The following ARHGAP12 variants were observed in gnomAD, a reference collection of about 807,000 sequenced individuals.
ARHGAP12 encodes Rho GTPase activating protein 12.
In ARHGAP12, 64 loss-of-function variants were observed where a neutral mutation model predicts 108.6. That is an observed-to-expected ratio of 0.59 (90% confidence interval 0.48 to 0.73). The LOEUF is 0.73. ARHGAP12 is among the 30% of genes least tolerant of loss of function. The probability of loss-of-function intolerance (pLI) is 0.00; values close to 1 mark genes in which losing one functional copy is unlikely to be tolerated. For synonymous variants in ARHGAP12, 312 were observed against 337.2 expected, an observed-to-expected ratio of 0.93 and a Z score of 0.82; for missense variants, 940 against 1,005.9, an observed-to-expected ratio of 0.93 and a Z score of 0.89.
chr10:31,855,346 C>G (rs1383350160), intron 4 of ARHGAP12, among the ~76,000 whole-genome samples: 1 of 152,144 alleles, frequency 6.6e-6, no homozygotes, highest in Non-Finnish European at 1.5e-5. Context: ...TAGGTTAGCA[C>G]TCATGTGCAA....
chr10:31,855,859 G>A (rs963010204), intron 4 of ARHGAP12, among the ~76,000 whole-genome samples: 2 of 152,136 alleles, frequency 1.3e-5, no homozygotes, highest in African/African-American at 4.8e-5. Flanking sequence ...ATATCTTCAT[G>A]TGTTTTATAT....
intron 2 of ARHGAP12, among the ~76,000 whole-genome samples, chr10:31,909,824 A>T (rs1839274914): frequency 6.6e-6 from 1 of 152,186 alleles, no homozygotes; most frequent in African/African-American, 2.4e-5. Context: ...TGAGCCCAGG[A>T]GGCTGAAGTT....
chr10:31,921,945 T>C (rs1361666621), intron 1 of ARHGAP12, among the ~76,000 whole-genome samples: 1 of 151,594 alleles, frequency 6.6e-6, no homozygotes, highest in Non-Finnish European at 1.5e-5. Context: ...ATCCCAGCAC[T>C]TTGGGAAGCC....
At chr10:31,904,556 A>G (rs1414658086) in intron 3 of ARHGAP12, among the ~76,000 whole-genome samples, 1 of 152,174 alleles carries the variant, frequency 6.6e-6, no homozygotes, top group East Asian at 1.9e-4. Flanking sequence ...CCTGATCGTG[A>G]TATTACAGTA....
chr10:31,921,652 TA>T lies in ARHGAP12; in HGVS notation c.-111+7030del, dbSNP rs199920493. 6.4e-3 allele frequency among the ~76,000 whole-genome samples: 955 copies of T among 149,166 alleles called. 29 individuals carry two copies. In the East Asian group the frequency reaches 0.075, roughly 12 times the overall value. On this transcript the variant is annotated intron_variant, in intron 1 of 19. Coordinates refer to ENST00000344936, the MANE Select transcript of ARHGAP12 (RefSeq NM_018287.7). Reference sequence around the variant, plus strand: ...GGTGGTGCATGCCTGTAATCCCAGCTACTGGGGAGGCTGAGGCAGGAGAATG... The same window carrying T: ...GGTGGTGCATGCCTGTAATCCCAGCTCTGGGGAGGCTGAGGCAGGAGAATG...
chr10:31,918,358 C>CAA (rs1298618828), intron 1 of ARHGAP12, among the ~76,000 whole-genome samples: 1 of 141,028 alleles, frequency 7.1e-6, no homozygotes, highest in Non-Finnish European at 1.6e-5. Context: ...CACACACACA[C>CAA]ACCAATGAGA....
At chr10:31,850,307 T>C (rs1340550040) in intron 6 of ARHGAP12, among the ~76,000 whole-genome samples, 1 of 152,256 alleles carries the variant, frequency 6.6e-6, no homozygotes, top group Non-Finnish European at 1.5e-5. Flanking sequence ...ATTTTTCTTC[T>C]GGTTCCTTCA....
At chr10:31,808,469 T>C (rs1834900011) in intron 19 of ARHGAP12, 180 bp downstream of exon 19, 2 of 544,452 alleles carry the variant, frequency 3.7e-6, no homozygotes, top group South Asian at 4.4e-5. Context: ...GTATTCTTCA[T>C]AGCAAATCAT....
chr10:31,876,418 G>A (rs553444689), intron 3 of ARHGAP12, among the ~76,000 whole-genome samples: 4 of 151,822 alleles, frequency 2.6e-5, no homozygotes, highest in South Asian at 4.2e-4. Flanking sequence ...ATTGAGGCTG[G>A]AGAATTGCTT....
chr10:31,836,614 T>G (rs1836025884), intron 9 of ARHGAP12, among the ~76,000 whole-genome samples: 2 of 152,314 alleles, frequency 1.3e-5, no homozygotes, highest in South Asian at 4.1e-4. Context: ...ATGGTATCAT[T>G]TCCACTTCTA....
intron 9 of ARHGAP12, among the ~76,000 whole-genome samples, chr10:31,835,717 T>C (rs900887437): frequency 6.6e-6 from 1 of 152,158 alleles, no homozygotes; most frequent in African/African-American, 2.4e-5. Context: ...ATTTTAAAAA[T>C]ATAGAATAAG....
chr10:31,922,620 G>A (rs1443801337), intron 1 of ARHGAP12, among the ~76,000 whole-genome samples: 2 of 151,948 alleles, frequency 1.3e-5, no homozygotes, highest in South Asian at 2.1e-4. Flanking sequence ...AGAATAAACA[G>A]ATAACCTGAA....
At chr10:31,905,197 C>T (rs1839079612) in intron 3 of ARHGAP12, among the ~76,000 whole-genome samples, 1 of 151,846 alleles carries the variant, frequency 6.6e-6, no homozygotes, top group African/African-American at 2.4e-5. Flanking sequence ...TTAAATTTGG[C>T]AACTGATTAT....
intron 10 of ARHGAP12, among the ~76,000 whole-genome samples, chr10:31,829,899 T>C (rs915334067): frequency 4.6e-5 from 7 of 152,170 alleles, no homozygotes; most frequent in African/African-American, 7.2e-5. Context: ...CCACCTTTAG[T>C]TGTGAAAAGG....
intron 3 of ARHGAP12, among the ~76,000 whole-genome samples, chr10:31,882,809 T>A (rs1278909621): frequency 8.7e-6 from 1 of 114,712 alleles, no homozygotes; most frequent in African/African-American, 3.5e-5. Flanking sequence ...CAAGACTCTG[T>A]CTCTTAAAAA....
At position 31,882,667 on chromosome 10, in the gene ARHGAP12, C is replaced by T. The variant is rs182120926; in HGVS notation, c.685-21009G>A. 2.4e-3 allele frequency among the ~76,000 whole-genome samples: 367 copies of T among 151,510 alleles called. 3 individuals are homozygous for T. The highest frequency in any genetic ancestry group is 8.5e-3 in the African/African-American group (350 of 41,304). The stretch of plus-strand genomic sequence containing the variant: ...GTCCCTACTAAAAATACAAAAACTA[C>T]GTGGGCGTGGTGGCACGTGCCTGTA... On this transcript the variant is annotated intron_variant, in intron 3 of 19. Transcript: ENST00000344936.
At position 31,815,854 on chromosome 10, in the gene ARHGAP12, A is replaced by C. The variant is rs571867976; in HGVS notation, c.1732-1493T>G. ...AACAGTATGTATTTTAAAATTTCTT[A>C]ATCAAAAATATAGGCCAGGTGCAGT... is the stretch of plus-strand genomic sequence containing the variant. On this transcript the variant is annotated intron_variant, in intron 13 of 19. Coordinates refer to ENST00000344936, the MANE Select transcript of ARHGAP12 (RefSeq NM_018287.7). 3.3e-5 allele frequency among the ~76,000 whole-genome samples: 5 copies of C among 152,270 alleles called. No homozygotes were observed. In the South Asian group the frequency reaches 1.0e-3, roughly 32 times the overall value.
At chr10:31,808,060 T>A (rs1195534443) in intron 19 of ARHGAP12, among the ~76,000 whole-genome samples, 2 of 152,184 alleles carry the variant, frequency 1.3e-5, no homozygotes, top group Admixed American at 1.3e-4. Context: ...TCTAACAAAC[T>A]TAAAATGTGT....
intron 1 of ARHGAP12, among the ~76,000 whole-genome samples, chr10:31,923,865 G>T (rs1302260403): frequency 6.6e-6 from 1 of 152,104 alleles, no homozygotes; most frequent in African/African-American, 2.4e-5. Context: ...AATGGTAGTG[G>T]CTTCACAGGT....
Sources: allele counts gnomAD v4.1 joint callset (sites outside exome capture counted in the v4.1 genomes callset), GRCh38; gene constraint gnomAD v4.1.1; transcripts MANE v1.5; gene names NCBI Gene and HGNC (gene_info 2026-07-23, HGNC 2026-07-21).